Variants in MMP20 observed in about 807,000 individuals in gnomAD.
MMP20 encodes matrix metalloproteinase-20.
A neutral mutation model predicts 51.8 loss-of-function variants in MMP20; 50 were observed. The observed-to-expected ratio is 0.97, with a 90% CI of 0.77 to 1.22. MMP20 has a LOEUF of 1.22. MMP20 is among the 50% of genes most tolerant of loss of function. MMP20 has a pLI of 0.00. For missense variants in MMP20, 663 were observed against 601.4 expected (o/e 1.10, Z -1.07); for synonymous variants, 244 against 216.2 (o/e 1.13, Z -1.13).
intron 1 of MMP20, among the ~76,000 whole-genome samples, chr11:102,617,571 C>A (rs918974989): frequency 6.6e-6 from 1 of 152,180 alleles, no homozygotes; most frequent in African/African-American, 2.4e-5. Context: ...GCCTCTCACA[C>A]TTTACAAAGG....
intron 1 of MMP20, among the ~76,000 whole-genome samples, chr11:102,621,675 A>G (rs1377934449): frequency 6.6e-6 from 1 of 152,248 alleles, no homozygotes; most frequent in African/African-American, 2.4e-5. Context: ...ATTCATATGG[A>G]AGTAATCTAT....
intron 8 of MMP20, among the ~76,000 whole-genome samples, chr11:102,589,263 C>T (rs1591610568): frequency 6.6e-6 from 1 of 152,178 alleles, no homozygotes; most frequent in African/African-American, 2.4e-5. Flanking sequence ...CGCACCTCAC[C>T]CTCTGTCTGG....
intron 6 of MMP20, among the ~76,000 whole-genome samples, chr11:102,601,141 T>TCGGAGTGCTGAATCTCTCTGG (rs1198943345): frequency 6.3e-4 from 29 of 46,388 alleles, no homozygotes; most frequent in Non-Finnish European, 1.0e-3. Context: ...TTTTTTTTTT[T>TCGGAGTGCTGAATCTCTCTGG]TTTTTTTTTG....
At chr11:102,611,491 C>T (rs961744965) in intron 3 of MMP20, among the ~76,000 whole-genome samples, 2 of 152,200 alleles carry the variant, frequency 1.3e-5, no homozygotes, top group African/African-American at 2.4e-5. Context: ...AATTTGTCCC[C>T]TAGTGGGGCA....
At chr11:102,603,571 A>G (rs1047874152) in intron 6 of MMP20, among the ~76,000 whole-genome samples, 5 of 152,210 alleles carry the variant, frequency 3.3e-5, no homozygotes, top group Non-Finnish European at 4.4e-5. Flanking sequence ...TAAGGATGTG[A>G]TAATATAGTG....
chr11:102,585,996 G>C (rs1859250332), intron 8 of MMP20, among the ~76,000 whole-genome samples: 1 of 152,064 alleles, frequency 6.6e-6, no homozygotes, highest in Non-Finnish European at 1.5e-5. Flanking sequence ...GCTGGATTTA[G>C]GTTGTTGGTG....
At chr11:102,594,483 T>C in intron 7 of MMP20, 138 bp downstream of exon 7, 1 of 1,149,500 alleles carries the variant, frequency 8.7e-7, no homozygotes, top group Non-Finnish European at 1.3e-6. Flanking sequence ...AGGGTGGCAT[T>C]TCATACCCAA....
intron 8 of MMP20, among the ~76,000 whole-genome samples, chr11:102,582,433 A>C (rs113485110): frequency 2.4e-4 from 37 of 152,328 alleles, no homozygotes; most frequent in African/African-American, 8.4e-4. Flanking sequence ...TGACCTTTCC[A>C]GTGTGGGTCA....
chr11:102,623,324 G>A (rs1487304881), intron 1 of MMP20, among the ~76,000 whole-genome samples: 1 of 152,168 alleles, frequency 6.6e-6, no homozygotes, highest in Non-Finnish European at 1.5e-5. Context: ...TGGCCCCACA[G>A]CAGGAGGTGA....
intron 3 of MMP20, among the ~76,000 whole-genome samples, chr11:102,610,812 G>T (rs187952542): frequency 1.3e-5 from 2 of 151,482 alleles, no homozygotes; most frequent in East Asian, 3.9e-4. Context: ...GCATTTCTCA[G>T]GTTTCAGTGA....
chr11:102,584,228 T>C (rs1188259969), intron 8 of MMP20, among the ~76,000 whole-genome samples: 1 of 152,232 alleles, frequency 6.6e-6, no homozygotes, highest in Non-Finnish European at 1.5e-5. Context: ...GTGGCTATAC[T>C]AATTTACATT....
intron 5 of MMP20, among the ~76,000 whole-genome samples, chr11:102,608,731 T>C (rs1859552381): frequency 6.6e-6 from 1 of 152,234 alleles, no homozygotes; most frequent in Admixed American, 6.5e-5. Flanking sequence ...CCAGGACTAA[T>C]ATGCTGTAAA....
intron 8 of MMP20, among the ~76,000 whole-genome samples, chr11:102,591,457 A>G (rs1859316121): frequency 6.6e-6 from 1 of 152,210 alleles, no homozygotes; most frequent in African/African-American, 2.4e-5. Flanking sequence ...ATTATTTGTT[A>G]GTTACCATAT....
chr11:102,623,866 G>A (rs1326978034), intron 1 of MMP20, among the ~76,000 whole-genome samples: 1 of 152,142 alleles, frequency 6.6e-6, no homozygotes, highest in Non-Finnish European at 1.5e-5. Flanking sequence ...GGCAGGGTAG[G>A]GAAAATTACA....
chr11:102,621,463 A>G (rs1335053384), intron 1 of MMP20, among the ~76,000 whole-genome samples: 1 of 152,156 alleles, frequency 6.6e-6, no homozygotes, highest in African/African-American at 2.4e-5. Context: ...TTGTGGTTTC[A>G]GTTTTCTCAT....
chr11:102,621,275 C>CT (rs1859747733), intron 1 of MMP20, among the ~76,000 whole-genome samples: 1 of 152,242 alleles, frequency 6.6e-6, no homozygotes, highest in Non-Finnish European at 1.5e-5. Flanking sequence ...CGCCTGCACC[C>CT]TAAACTCGCT....
At chr11:102,617,863 G>T (rs910773830) in intron 1 of MMP20, among the ~76,000 whole-genome samples, 1 of 152,150 alleles carries the variant, frequency 6.6e-6, no homozygotes, top group Non-Finnish European at 1.5e-5. Flanking sequence ...CCTGCCTTTG[G>T]CTCAGGAATT....
intron 6 of MMP20, among the ~76,000 whole-genome samples, chr11:102,603,078 G>A (rs572001021): frequency 6.6e-6 from 1 of 152,300 alleles, no homozygotes; most frequent in African/African-American, 2.4e-5. Flanking sequence ...ACACTATGGA[G>A]AATATCTGAC....
At chr11:102,581,708 T>C (rs1859197845) in intron 8 of MMP20, among the ~76,000 whole-genome samples, 1 of 152,162 alleles carries the variant, frequency 6.6e-6, no homozygotes, top group African/African-American at 2.4e-5. Context: ...ATGTAACCCC[T>C]CAGAGACACA....
Sources: allele counts gnomAD v4.1 joint callset (sites outside exome capture counted in the v4.1 genomes callset), GRCh38; gene constraint gnomAD v4.1.1; transcripts MANE v1.5; gene names NCBI Gene and HGNC (gene_info 2026-07-23, HGNC 2026-07-21).